The following GTF3C4 variants were observed in gnomAD, a reference collection of about 807,000 sequenced individuals.
The protein encoded by GTF3C4 is general transcription factor 3C polypeptide 4.
Under a neutral mutation model 67.5 loss-of-function variants are expected in GTF3C4, and 28 were observed. The observed-to-expected ratio is 0.41, with a 90% CI of 0.31 to 0.57. The LOEUF is 0.57. Ranked by LOEUF, GTF3C4 falls within the 20% of genes least tolerant of loss-of-function variation. GTF3C4 has a pLI of 0.21. For missense variants in GTF3C4, 831 were observed against 1,033.2 expected, an observed-to-expected ratio of 0.80 and a Z score of 2.68; for synonymous variants, 409 against 393.0, an observed-to-expected ratio of 1.04 and a Z score of -0.48.
rs1836147623 is a variant in GTF3C4 at position 132,693,335 on chromosome 9, A to C, written c.*4390A>C. ...TCCAATCCTTTTAATTAGGTGGTTC[A>C]GCTTATCTTGTATTTTCTGAGTCAT... On this transcript the variant is annotated 3_prime_UTR_variant, in exon 5 of 5. Transcript: ENST00000372146. The C allele has an allele frequency of 1.3e-5, 2 of 152,236 alleles. No individual in the cohort carries two copies. The allele number at this position is 152,236 out of a possible 1,614,324, so 9.4% of individuals were successfully genotyped here.
intron 2 of GTF3C4, 69 bp from the exon 3 acceptor site, chr9:132,683,494 G>GTT: frequency 7.3e-7 from 1 of 1,364,020 alleles, no homozygotes; most frequent in Non-Finnish European, 1.0e-6. Flanking sequence ...TTCCCTTTGT[G>GTT]TTTGTAGGCT....
rs1835896230 is a variant in GTF3C4, at chr9:132,678,527, G to T, written c.908G>T (p.Cys303Phe). 1 of 1,614,022 alleles carries T rather than the reference G, an allele frequency of 6.2e-7. No homozygotes were observed. Among genetic ancestry groups the T allele is most frequent in the Non-Finnish European group, 8.5e-7 (1 of 1,180,012 alleles). The change falls in exon 2 of 5, where the codon TGC becomes TTC. Residue 303 changes from cysteine (C) to phenylalanine (F), a missense_variant. Cys to Phe is a radical substitution (Grantham distance 205, BLOSUM62 -2). Coordinates refer to ENST00000372146, the MANE Select transcript of GTF3C4 (RefSeq NM_012204.4). The surrounding 1 kb of genome is among the most constrained non-coding windows in gnomAD (Gnocchi z 6.5). ...GTAGGAAAAGAATCCATCTCTTCAT[G>T]CAACACAATTGAGTCAGGAATCACC... The part of the protein sequence containing the change: ...PFVGKESISS[C>F]NTIESGITSP...
upstream of GTF3C4, chr9:132,670,435 C>A: frequency 1.0e-6 from 1 of 973,406 alleles, no homozygotes; most frequent in Non-Finnish European, 1.4e-6. Flanking sequence ...CCTGGTAGGG[C>A]CGCGTTGCCT....
upstream of GTF3C4, chr9:132,670,244 C>T (rs747433685): frequency 1.4e-5 from 21 of 1,524,880 alleles, no homozygotes; most frequent in Admixed American, 2.5e-4. Flanking sequence ...CGAGATCCGG[C>T]GCCATCTCAC....
Position 132,692,413 on chromosome 9 carries a change from G to A in GTF3C4, c.*3468G>A, listed in dbSNP as rs1404327272. 6.6e-6 allele frequency: 1 copy of A among 152,112 alleles called. No homozygotes were observed. The highest frequency in any genetic ancestry group is 2.4e-5 in the African/African-American group (1 of 41,418). The allele number at this position is 152,112 out of a possible 1,614,324, so 9.4% of individuals were successfully genotyped here. On this transcript the variant is annotated 3_prime_UTR_variant, in exon 5 of 5. Coordinates refer to ENST00000372146, the MANE Select transcript of GTF3C4 (RefSeq NM_012204.4). Reference sequence around the variant, plus strand: ...CAGGGTGCTCAGTAGCTCTTGGTTTGACTTTGGGCTAAGGGATGTGAAATT... The same window carrying A: ...CAGGGTGCTCAGTAGCTCTTGGTTTAACTTTGGGCTAAGGGATGTGAAATT...
chr9:132,672,065 C>T (rs1835785552), intron 1 of GTF3C4, among the ~76,000 whole-genome samples: 1 of 152,122 alleles, frequency 6.6e-6, no homozygotes, highest in African/African-American at 2.4e-5. Context: ...TGTTAGTCAG[C>T]TTGTATGACT....
rs1454299755 is a variant in GTF3C4, at chr9:132,694,301, T to C, written c.*5356T>C. On this transcript the variant is annotated 3_prime_UTR_variant, in exon 5 of 5. Coordinates refer to ENST00000372146, the MANE Select transcript of GTF3C4 (RefSeq NM_012204.4). ...CTAATGTAAAGTGCCTTGCACAGGG[T>C]AGGTGCTCATGACGTGTAGAATGAG... 1.3e-5 allele frequency: 2 copies of C among 152,208 alleles called. No individual in the cohort carries two copies. The highest frequency in any genetic ancestry group is 4.8e-5 in the African/African-American group (2 of 41,450). 9.4% of individuals were successfully genotyped at this position (152,208 alleles called of 1,614,324 possible). A position where few individuals can be genotyped will look rare whatever the true frequency, so the allele number is the denominator to read the frequency against.
upstream of GTF3C4, chr9:132,670,076 G>A: frequency 6.4e-7 from 1 of 1,560,896 alleles, no homozygotes; most frequent in Non-Finnish European, 8.7e-7. Context: ...GACTCGTCCC[G>A]AGGGGAGCCG....
At chr9:132,685,537 G>A (rs528769705) in intron 3 of GTF3C4, among the ~76,000 whole-genome samples, 22 of 150,514 alleles carry the variant, frequency 1.5e-4, no homozygotes, top group Middle Eastern at 3.5e-3. Flanking sequence ...TTGAGATGGG[G>A]AGATGAGGTC....
In GTF3C4 at chr9:132,692,804, A is replaced by G. The variant is rs1836138865; in HGVS notation, c.*3859A>G. ...GTAATGAACTGTTTTTATTTTTGCC[A>G]TTAGTGCAAGTATCAACTGGCAGCC... On this transcript the variant is annotated 3_prime_UTR_variant, in exon 5 of 5. Transcript: ENST00000372146. 1 of 152,206 alleles carries G rather than the reference A, an allele frequency of 6.6e-6. No individual in the cohort carries two copies. The highest frequency in any genetic ancestry group is 2.1e-4 in the South Asian group (1 of 4,826). The allele number at this position is 152,206 out of a possible 1,614,324, so 9.4% of individuals were successfully genotyped here.
At chr9:132,683,786 T>G in intron 3 of GTF3C4, 93 bp downstream of exon 3, 1 of 1,221,656 alleles carries the variant, frequency 8.2e-7, no homozygotes, top group Non-Finnish European at 1.1e-6. Context: ...TTTATGCCAG[T>G]TATCTGTTGC....
chr9:132,670,716 G>T lies in GTF3C4; in HGVS notation c.118G>T (p.Ala40Ser), dbSNP rs1178362880. 2 of 1,527,876 alleles carry T rather than the reference G, an allele frequency of 1.3e-6. 1 individual carries two copies. The highest frequency in any genetic ancestry group is 2.4e-5 in the South Asian group (2 of 83,570). The allele number at this position is 1,527,876 out of a possible 1,614,324, so 94.6% of individuals were successfully genotyped here. Reference protein sequence around the residue: ...AGGKEPAADAAPGPSAAFRLM... With the variant: ...AGGKEPAADASPGPSAAFRLM... ...CGGGAAGGAGCCAGCAGCGGACGCG[G>T]CCCCGGGGCCCAGCGCTGCATTCCG... Residue 40 changes from alanine (A) to serine (S), a missense_variant, in exon 1 of 5, where the codon GCC becomes TCC. Coordinates refer to ENST00000372146, the MANE Select transcript of GTF3C4 (RefSeq NM_012204.4).
At chr9:132,670,338 C>A (rs1227386808), upstream of GTF3C4, 21 of 1,427,854 alleles carry the variant, frequency 1.5e-5, no homozygotes, top group Admixed American at 5.3e-4. Flanking sequence ...CTAACAGGCT[C>A]TGGAGCTCAA....
chr9:132,675,171 G>A (rs1387118009), intron 1 of GTF3C4, among the ~76,000 whole-genome samples: 3 of 152,130 alleles, frequency 2.0e-5, no homozygotes, highest in Non-Finnish European at 2.9e-5. Context: ...ATTTATAAAT[G>A]AGGAAATTAA....
At chr9:132,673,750 TTC>T (rs1835824349) in intron 1 of GTF3C4, among the ~76,000 whole-genome samples, 1 of 152,252 alleles carries the variant, frequency 6.6e-6, no homozygotes, top group Non-Finnish European at 1.5e-5. Flanking sequence ...TGCTCTATAA[TTC>T]TGTTATTTAG....
At chr9:132,670,392 T>G (rs1301543985), upstream of GTF3C4, 2 of 1,165,578 alleles carry the variant, frequency 1.7e-6, no homozygotes, top group Middle Eastern at 2.9e-4. Context: ...CCCCGCTCGC[T>G]GTCCTTTTTC....
At position 132,670,520 on chromosome 9, in the gene GTF3C4, G is replaced by T; in HGVS notation, c.-79G>T. 1 of 1,158,368 alleles carries T rather than the reference G, an allele frequency of 8.6e-7. No homozygotes were observed. Among genetic ancestry groups the T allele is most frequent in the Non-Finnish European group, 1.1e-6 (1 of 871,276 alleles). The allele number at this position is 1,158,368 out of a possible 1,614,324, so 71.8% of individuals were successfully genotyped here. On this transcript the variant is annotated 5_prime_UTR_variant, in exon 1 of 5. Transcript: ENST00000372146. ...AGAAAACCGCCGCGGAGGGCGCTGG[G>T]GGTGGCGGCGGCGGTCCGGGAGGTG...
intron 1 of GTF3C4, among the ~76,000 whole-genome samples, chr9:132,676,169 G>C (rs984546482): frequency 6.6e-6 from 1 of 151,908 alleles, no homozygotes; most frequent in African/African-American, 2.4e-5. Flanking sequence ...AAAGTGCTGG[G>C]ATTACAGGCG....
Position 132,678,231 on chromosome 9 carries a change from G to C in GTF3C4, c.612G>C (p.Gln204His). The C allele has an allele frequency of 6.2e-7, 1 of 1,614,252 alleles. No individual in the cohort carries two copies. Residue 204 changes from glutamine to histidine, a missense_variant, in exon 2 of 5, where the codon CAG becomes CAC. By Grantham distance (24) the Gln-to-His change is conservative. Transcript: ENST00000372146. This position sits in a 1 kb window ranked among gnomAD's most constrained non-coding sequence, Gnocchi z 6.5. Reference protein sequence around the residue: ...QANLNRLQWVQLVDLTEIYGE... With the variant: ...QANLNRLQWVHLVDLTEIYGE... ...ATCTCAACAGACTGCAGTGGGTCCA[G>C]CTGGTTGACCTGACTGAGATCTATG...
Sources: gnomAD v4.1 joint callset for allele counts (sites outside exome capture counted in the v4.1 genomes callset) on GRCh38, gnomAD v4.1.1 for gene constraint, Gnocchi (gnomAD v3.1) non-coding constraint, MANE v1.5 for transcripts, NCBI Gene and HGNC (gene_info 2026-07-23, HGNC 2026-07-21) for gene names.